Variants in TMEM44 observed in about 807,000 individuals in gnomAD.
TMEM44 encodes the protein transmembrane protein 44.
TMEM44 carries 43 observed loss-of-function variants against 47.8 expected under a neutral mutation model. That is an observed-to-expected ratio of 0.90 (90% CI 0.70 to 1.16). The LOEUF (loss-of-function observed/expected upper bound fraction) is 1.16, where lower values mean the gene tolerates loss of function less well. TMEM44 is among the 50% of genes most tolerant of loss of function. The probability of loss-of-function intolerance (pLI) is 0.00; values close to 1 mark genes in which losing one functional copy is unlikely to be tolerated. For synonymous variants in TMEM44, 277 were observed against 238.8 expected (o/e 1.16, Z -1.48); for missense variants, 568 against 555.2 (o/e 1.02, Z -0.23).
chr3:194,603,853 T>C (rs1714443301), intron 9 of TMEM44, among the ~76,000 whole-genome samples: 1 of 146,664 alleles, frequency 6.8e-6, no homozygotes. Flanking sequence ...CGGAAGTTCA[T>C]TTTTTTTTTG....
chr3:194,627,417 T>C (rs1203812811), intron 2 of TMEM44, among the ~76,000 whole-genome samples: 2 of 141,226 alleles, frequency 1.4e-5, no homozygotes, highest in African/African-American at 5.2e-5. Context: ...TGGGGATATG[T>C]GTTTTGGGAT....
At chr3:194,599,243 C>T (rs1398319489) in intron 9 of TMEM44, among the ~76,000 whole-genome samples, 1 of 152,198 alleles carries the variant, frequency 6.6e-6, no homozygotes, top group Non-Finnish European at 1.5e-5. Context: ...TACCAAGTGC[C>T]TGCCACCCTA....
At chr3:194,593,509 A>G (rs1713013383) in intron 9 of TMEM44, among the ~76,000 whole-genome samples, 1 of 152,194 alleles carries the variant, frequency 6.6e-6, no homozygotes, top group East Asian at 1.9e-4. Flanking sequence ...CTACCAGCCA[A>G]GATTCATTTG....
Position 194,633,084 on chromosome 3 carries a change from G to A in TMEM44, c.132C>T (p.His44=). ...ICASSCWIAA[H]ALLLYLRCAQ... Reference sequence around the variant, plus strand: ...CCGACCCGTGGCCCCATTACAGCGCGTGGGCGGCGATCCAGCAGGAGGAGG... The same window carrying A: ...CCGACCCGTGGCCCCATTACAGCGCATGGGCGGCGATCCAGCAGGAGGAGG... The change falls in exon 1 of 10, where the codon CAC becomes CAT. Residue 44 remains histidine, a synonymous_variant. Transcript: ENST00000347147. 1.9e-6 allele frequency: 3 copies of A among 1,546,814 alleles called. No homozygotes were observed. The highest frequency in any genetic ancestry group is 4.9e-5 in the East Asian group (2 of 40,762).
intron 8 of TMEM44, among the ~76,000 whole-genome samples, chr3:194,605,628 T>C (rs1714695726): frequency 1.3e-5 from 2 of 152,164 alleles, no homozygotes; most frequent in Non-Finnish European, 2.9e-5. Context: ...CGGGAAAGAC[T>C]TGACCCCATA....
At chr3:194,596,765 T>C (rs1357326520) in intron 9 of TMEM44, 1 of 152,192 alleles carries the variant, frequency 6.6e-6, no homozygotes, top group African/African-American at 2.4e-5. Flanking sequence ...AAAGCCCCTA[T>C]GTGCATCTGA....
rs561043932 is a variant in TMEM44, at chr3:194,619,787, G to A, written c.613-2518C>T. Among the ~76,000 whole-genome samples the A allele has an allele frequency of 9.2e-5, 14 of 152,318 alleles. No homozygotes were observed. The South Asian group carries it at 2.1e-3, about 23-fold the overall frequency. On this transcript the variant is annotated intron_variant, in intron 5 of 9. Transcript: ENST00000347147. ...CCTCCTGGAACCAGAGTCACTGAGA[G>A]GCAGCAGCAGCTCCTTCCCTAGAAA... is the stretch of plus-strand genomic sequence containing the variant.
chr3:194,606,860 C>T (rs980779287), intron 8 of TMEM44, among the ~76,000 whole-genome samples: 41 of 143,040 alleles, frequency 2.9e-4, no homozygotes, highest in African/African-American at 9.5e-4. Flanking sequence ...GCATGAGAAT[C>T]GAGAATCTCT....
At position 194,615,675 on chromosome 3, in the gene TMEM44, A is replaced by G. The variant is rs1239858253; in HGVS notation, c.806T>C (p.Met269Thr). The change falls in exon 7 of 10, where the codon ATG (methionine) becomes ACG (threonine). Residue 269 changes from methionine (M) to threonine (T), a missense_variant. By Grantham distance (81) the Met-to-Thr change is moderately conservative. Transcript: ENST00000347147. Reference sequence around the variant, plus strand: ...TAAGGCCTGTCTCATCTTGCTCTTCATCACACACGAAAGGAAAATAATCTG... The same window carrying G: ...TAAGGCCTGTCTCATCTTGCTCTTCGTCACACACGAAAGGAAAATAATCTG... ...DLAIIFLSCV[M>T]KSKMRQALGF... is the part of the protein sequence containing the mutation. 3.1e-6 allele frequency: 5 copies of G among 1,613,878 alleles called. No individual in the cohort carries two copies. The African/African-American group carries it at 5.3e-5, about 17-fold the overall frequency.
chr3:194,604,326 G>A lies in TMEM44; in HGVS notation c.1137C>T (p.Gly379=), dbSNP rs61742170. The A allele has an allele frequency of 7.9e-4, 1,251 of 1,580,186 alleles. 6 individuals are homozygous for A. In the African/African-American group the frequency reaches 0.015, roughly 19 times the overall value. ...VQVIRARVSS[G]SSSEVSSINS... ...TGATGGAGGAGACCTCAGAGGAGCT[G>A]CCGGAAGACACCCGGGCCCGGATGA... is the stretch of plus-strand genomic sequence containing the variant. The change falls in exon 9 of 10, where the codon GGC becomes GGT. Residue 379 remains glycine, a synonymous_variant. Transcript: ENST00000347147.
chr3:194,598,228 C>T (rs1398677205), intron 9 of TMEM44, among the ~76,000 whole-genome samples: 1 of 152,196 alleles, frequency 6.6e-6, no homozygotes, highest in African/African-American at 2.4e-5. Context: ...TCCACGCGAG[C>T]CCCACATGCC....
At chr3:194,588,947 C>G (rs945082617) in intron 9 of TMEM44, 1 of 354,120 alleles carries the variant, frequency 2.8e-6, no homozygotes, top group Admixed American at 4.3e-5. Context: ...GTCATGTTCT[C>G]CTTATCCTGA....
At chr3:194,625,249 C>T (rs914502441) in intron 3 of TMEM44, among the ~76,000 whole-genome samples, 2 of 152,178 alleles carry the variant, frequency 1.3e-5, no homozygotes, top group African/African-American at 4.8e-5. Context: ...CCATGCCCTG[C>T]TCCACACCTC....
intron 1 of TMEM44, 37 bp from the exon 2 acceptor site, chr3:194,628,546 G>GT: frequency 6.4e-7 from 1 of 1,572,136 alleles, no homozygotes; most frequent in Non-Finnish European, 8.7e-7. Context: ...CACAGCAACT[G>GT]TGAGTTTGGA....
chr3:194,607,409 T>C (rs910127410), intron 8 of TMEM44, among the ~76,000 whole-genome samples: 1 of 152,220 alleles, frequency 6.6e-6, no homozygotes, highest in African/African-American at 2.4e-5. Flanking sequence ...CATACAGTTG[T>C]TGGGCTCATT....
At chr3:194,592,456 G>A (rs988248514) in intron 9 of TMEM44, among the ~76,000 whole-genome samples, 1 of 152,088 alleles carries the variant, frequency 6.6e-6, no homozygotes, top group Non-Finnish European at 1.5e-5. Context: ...CAGCCATGCC[G>A]GCCACTACTA....
chr3:194,592,224 C>CAA (rs58909852), intron 9 of TMEM44, among the ~76,000 whole-genome samples: 99 of 129,948 alleles, frequency 7.6e-4, no homozygotes, highest in Admixed American at 2.1e-3. Context: ...GACTCCGTCT[C>CAA]AAAAAAAAAA....
At chr3:194,615,165 C>T (rs1715741030) in intron 7 of TMEM44, among the ~76,000 whole-genome samples, 1 of 152,134 alleles carries the variant, frequency 6.6e-6, no homozygotes. Context: ...TTACTTGAAT[C>T]TGGGAGGCGG....
intron 8 of TMEM44, among the ~76,000 whole-genome samples, chr3:194,610,017 A>T (rs1298082334): frequency 6.6e-6 from 1 of 152,120 alleles, no homozygotes; most frequent in Admixed American, 6.6e-5. Context: ...TCACGAGGTC[A>T]AGAGATCGAG....
Sources: gnomAD v4.1 joint callset for allele counts (sites outside exome capture counted in the v4.1 genomes callset) on GRCh38, gnomAD v4.1.1 for gene constraint, MANE v1.5 for transcripts, NCBI Gene and HGNC (gene_info 2026-07-23, HGNC 2026-07-21) for gene names.